Variants in CYB5B observed in about 807,000 individuals in gnomAD.
The protein encoded by CYB5B is cytochrome b5 type B.
In CYB5B, 14 loss-of-function variants were observed where a neutral mutation model predicts 21.3. The observed-to-expected ratio is 0.66, with a 90% CI of 0.43 to 1.03. The LOEUF (loss-of-function observed/expected upper bound fraction) is 1.03, where lower values mean the gene tolerates loss of function less well. CYB5B is among the 50% of genes least tolerant of loss of function. CYB5B has a pLI of 0.00. For synonymous variants in CYB5B, 69 were observed against 68.4 expected (o/e 1.01, Z -0.04); for missense variants, 166 against 185.1 (o/e 0.90, Z 0.60).
Position 69,465,038 on chromosome 16 carries a change from CT to C in CYB5B, c.*2526del, listed in dbSNP as rs1033363604. ...ACTAGCCAAATCCATCCAAAAGGAC[CT>C]TTTTTTTAGGAAGTAGACTTGAATT... On this transcript the variant is annotated 3_prime_UTR_variant, in exon 5 of 5. Coordinates refer to ENST00000307892, the MANE Select transcript of CYB5B (RefSeq NM_030579.3). 6 of 152,094 alleles carry C rather than the reference CT, an allele frequency of 3.9e-5. No homozygotes were observed. Among genetic ancestry groups the C allele is most frequent in the South Asian group, 2.1e-4 (1 of 4,816 alleles). The allele number at this position is 152,094 out of a possible 1,614,324, so 9.4% of individuals were successfully genotyped here. A position where few individuals can be genotyped will look rare whatever the true frequency, so the allele number is the denominator to read the frequency against.
chr16:69,461,755 T>C (rs548254584), intron 4 of CYB5B, among the ~76,000 whole-genome samples: 290 of 152,322 alleles, frequency 1.9e-3, no homozygotes, highest in Non-Finnish European at 3.3e-3. Flanking sequence ...TTTGTGTGTA[T>C]GTGTATCCTT....
intron 3 of CYB5B, among the ~76,000 whole-genome samples, chr16:69,454,044 G>T (rs1207484748): frequency 6.6e-6 from 1 of 152,126 alleles, no homozygotes; most frequent in East Asian, 1.9e-4. Context: ...TGCAAAACAG[G>T]GTTCAGAAGG....
At chr16:69,437,935 T>G (rs913613593) in intron 1 of CYB5B, among the ~76,000 whole-genome samples, 3 of 152,206 alleles carry the variant, frequency 2.0e-5, no homozygotes, top group African/African-American at 7.2e-5. Flanking sequence ...ATTTACCATT[T>G]TATTAATTGT....
At chr16:69,444,652 C>A (rs1027261266) in intron 1 of CYB5B, among the ~76,000 whole-genome samples, 4 of 151,966 alleles carry the variant, frequency 2.6e-5, no homozygotes, top group African/African-American at 9.6e-5. Flanking sequence ...CTCTGACCCC[C>A]ACTTGCTTCA....
Position 69,465,913 on chromosome 16 carries a change from G to A in CYB5B, c.*3393G>A, listed in dbSNP as rs1047846611. ...TCTGAAAGAGCCAGGTTTGGAATTT[G>A]TGGGGGTGATCTAGGAAGAAGGTTC... On this transcript the variant is annotated 3_prime_UTR_variant, in exon 5 of 5. Coordinates refer to ENST00000307892, the MANE Select transcript of CYB5B (RefSeq NM_030579.3). 6.6e-6 allele frequency: 1 copy of A among 152,438 alleles called. No individual in the cohort carries two copies. Among genetic ancestry groups the A allele is most frequent in the Non-Finnish European group, 1.5e-5 (1 of 68,020 alleles). 9.4% of individuals were successfully genotyped at this position (152,438 alleles called of 1,614,324 possible).
At position 69,440,745 on chromosome 16, in the gene CYB5B, C is replaced by CGT. The variant is rs56008000; in HGVS notation, c.175-6382_175-6381dup. Among the ~76,000 whole-genome samples, 552 of 146,412 alleles carry CGT rather than the reference C, an allele frequency of 3.8e-3. 7 individuals are homozygous for CGT. Among genetic ancestry groups the CGT allele is most frequent in the South Asian group, 8.9e-3 (41 of 4,610 alleles). On this transcript the variant is annotated intron_variant, in intron 1 of 4. Coordinates refer to ENST00000307892, the MANE Select transcript of CYB5B (RefSeq NM_030579.3). ...AATGCTGCTATGGCCGTGTGTGTTG[C>CGT]GTGTGTGTGTGTGTGTGTGTGTGTA...
intron 1 of CYB5B, among the ~76,000 whole-genome samples, chr16:69,439,218 G>A (rs770851834): frequency 6.6e-6 from 1 of 152,150 alleles, no homozygotes; most frequent in Non-Finnish European, 1.5e-5. Context: ...TGAAAAGACT[G>A]TTCTTTCCTC....
chr16:69,435,429 G>T (rs1318731134), intron 1 of CYB5B, among the ~76,000 whole-genome samples: 1 of 152,174 alleles, frequency 6.6e-6, no homozygotes, highest in African/African-American at 2.4e-5. Context: ...ACTTGGATTT[G>T]CAGGGAAGAT....
chr16:69,427,804 A>T (rs2014663914), intron 1 of CYB5B, among the ~76,000 whole-genome samples: 1 of 151,896 alleles, frequency 6.6e-6, no homozygotes, highest in Admixed American at 6.6e-5. Flanking sequence ...GACCAGCCTG[A>T]CCAAAATGGT....
At chr16:69,456,892 T>A (rs1043926133) in intron 3 of CYB5B, among the ~76,000 whole-genome samples, 3 of 152,216 alleles carry the variant, frequency 2.0e-5, no homozygotes, top group African/African-American at 7.2e-5. Context: ...GAGTCCTGGC[T>A]GCTAAGAGCT....
At position 69,448,139 on chromosome 16, in the gene CYB5B, A is replaced by G; in HGVS notation, c.328A>G (p.Ser110Gly). 6.2e-7 allele frequency: 1 copy of G among 1,613,082 alleles called. No individual in the cohort carries two copies. ...HPSDLKPESG[S>G]KDPSKNDTCK... Reference sequence around the variant, plus strand: ...GAGTGACCTTAAACCTGAAAGTGGTAGCAAGGTAAGAAGTCAGCGGTTTGT... The same window carrying G: ...GAGTGACCTTAAACCTGAAAGTGGTGGCAAGGTAAGAAGTCAGCGGTTTGT... Residue 110 changes from serine to glycine, a missense_variant, in exon 3 of 5, where the codon AGC becomes GGC. Coordinates refer to ENST00000307892, the MANE Select transcript of CYB5B (RefSeq NM_030579.3).
Position 69,433,762 on chromosome 16 carries a change from C to T in CYB5B, c.174+8905C>T, listed in dbSNP as rs149664592. Among the ~76,000 whole-genome samples, 12 of 152,264 alleles carry T rather than the reference C, an allele frequency of 7.9e-5. No individual in the cohort carries two copies. In the East Asian group the frequency reaches 1.7e-3, roughly 22 times the overall value. ...TATAATCACCATCACAATCAATATA[C>T]GGTCATGGGTCACTTCACAATGAGG... On this transcript the variant is annotated intron_variant, in intron 1 of 4. Coordinates refer to ENST00000307892, the MANE Select transcript of CYB5B (RefSeq NM_030579.3).
intron 1 of CYB5B, among the ~76,000 whole-genome samples, chr16:69,436,895 A>G (rs1011193001): frequency 6.6e-6 from 1 of 152,128 alleles, no homozygotes; most frequent in African/African-American, 2.4e-5. Context: ...CCCTATTTCC[A>G]TAGAATTAGT....
chr16:69,429,475 A>G (rs1344905244), intron 1 of CYB5B, among the ~76,000 whole-genome samples: 1 of 152,146 alleles, frequency 6.6e-6, no homozygotes, highest in Non-Finnish European at 1.5e-5. Context: ...TTTACAGCAT[A>G]CTGATTGGTG....
intron 1 of CYB5B, among the ~76,000 whole-genome samples, chr16:69,437,822 G>C (rs1437787522): frequency 3.9e-5 from 6 of 152,012 alleles, no homozygotes; most frequent in African/African-American, 7.2e-5. Context: ...TGTCTCTATT[G>C]AATTTGCCTG....
intron 1 of CYB5B, among the ~76,000 whole-genome samples, chr16:69,437,847 T>C (rs977265910): frequency 1.3e-5 from 2 of 152,242 alleles, no homozygotes; most frequent in East Asian, 1.9e-4. Context: ...AGGTACCCCA[T>C]ATAAATGGAA....
chr16:69,459,989 G>A (rs892600061), intron 4 of CYB5B, among the ~76,000 whole-genome samples: 5 of 152,056 alleles, frequency 3.3e-5, no homozygotes, highest in East Asian at 3.8e-4. Flanking sequence ...GGTGGCTCAC[G>A]CTTGTAATCC....
intron 1 of CYB5B, among the ~76,000 whole-genome samples, chr16:69,429,776 T>A (rs1167548041): frequency 6.6e-6 from 1 of 152,086 alleles, no homozygotes; most frequent in Non-Finnish European, 1.5e-5. Flanking sequence ...TCTTCAAGAG[T>A]TGGGTTGCTA....
intron 1 of CYB5B, chr16:69,444,360 C>G (rs892048638): frequency 6.6e-6 from 1 of 152,490 alleles, no homozygotes; most frequent in Non-Finnish European, 1.5e-5. Flanking sequence ...TTCGTCGAGG[C>G]CTTCGTATGC....
Sources: gnomAD v4.1 joint callset for allele counts (sites outside exome capture counted in the v4.1 genomes callset) on GRCh38, gnomAD v4.1.1 for gene constraint, MANE v1.5 for transcripts, NCBI Gene and HGNC (gene_info 2026-07-23, HGNC 2026-07-21) for gene names.